CSMD2: variants seen among roughly 807,000 people sequenced by gnomAD.
The protein encoded by CSMD2 is CUB and sushi domain-containing protein 2.
In CSMD2, 130 loss-of-function variants were observed where a neutral mutation model predicts 398.5. The ratio of observed to expected loss-of-function variants is 0.33; its 90% CI spans 0.28 to 0.38. The LOEUF is 0.38. Among genes scored for constraint, CSMD2 ranks in the 10% least tolerant of loss-of-function variants. CSMD2 has a pLI of 1.00. For missense variants in CSMD2, 3,829 were observed against 4,764.9 expected (o/e 0.80, Z 5.78); for synonymous variants, 1,828 against 1,908.5 (o/e 0.96, Z 1.10).
At chr1:33,634,193 G>A (rs941392994) in intron 31 of CSMD2, among the ~76,000 whole-genome samples, 1 of 152,226 alleles carries the variant, frequency 6.6e-6, no homozygotes, top group African/African-American at 2.4e-5. Context: ...TCTGGGGCAG[G>A]AGTGGGTGTA....
intron 32 of CSMD2, among the ~76,000 whole-genome samples, chr1:33,632,891 G>A (rs1642550313): frequency 6.6e-6 from 1 of 152,132 alleles, no homozygotes. Context: ...AGACTACTAT[G>A]TAGCACTTAA....
intron 47 of CSMD2, 126 bp from the exon 48 acceptor site, chr1:33,581,025 T>C (rs1443933180): frequency 1.2e-6 from 1 of 834,206 alleles, no homozygotes; most frequent in Non-Finnish European, 1.8e-6. Context: ...GTACTTGCAC[T>C]CCTCTCTCTG....
chr1:33,593,225 T>C (rs1457637037), intron 44 of CSMD2, among the ~76,000 whole-genome samples: 1 of 152,256 alleles, frequency 6.6e-6, no homozygotes, highest in Non-Finnish European at 1.5e-5. Context: ...TGTTGTTGTT[T>C]ATGTTTGCCC....
At chr1:33,744,354 A>G (rs997702737) in intron 13 of CSMD2, among the ~76,000 whole-genome samples, 4 of 152,208 alleles carry the variant, frequency 2.6e-5, no homozygotes, top group African/African-American at 2.4e-5. Context: ...AAGATGCCAC[A>G]CTATGCTAAA....
intron 5 of CSMD2, among the ~76,000 whole-genome samples, chr1:33,866,881 T>C (rs1467658630): frequency 2.0e-5 from 3 of 152,266 alleles, no homozygotes; most frequent in African/African-American, 7.2e-5. Context: ...GGATAATGCC[T>C]GCCTTACAGG....
At chr1:33,783,202 T>C (rs1451243310) in intron 12 of CSMD2, among the ~76,000 whole-genome samples, 1 of 151,918 alleles carries the variant, frequency 6.6e-6, no homozygotes, top group South Asian at 2.1e-4. Context: ...AGGTCACAGG[T>C]GTGGGGGCAG....
chr1:34,143,870 C>T (rs1639529254), intron 1 of CSMD2, among the ~76,000 whole-genome samples: 1 of 152,174 alleles, frequency 6.6e-6, no homozygotes, highest in South Asian at 2.1e-4. Context: ...ACATCAGTTT[C>T]TATCAAGGAG....
At position 33,939,180 on chromosome 1, in the gene CSMD2, C is replaced by G. The variant is rs116376632; in HGVS notation, c.518-3226G>C. Among the ~76,000 whole-genome samples the G allele has an allele frequency of 1.1e-3, 171 of 152,004 alleles. 2 individuals carry two copies. The highest frequency in any genetic ancestry group is 3.9e-3 in the African/African-American group (161 of 41,438). On this transcript the variant is annotated intron_variant, in intron 3 of 70. Transcript: ENST00000373381. The stretch of plus-strand genomic sequence containing the variant: ...TCCCACACTACTGGCTTACTTGGTA[C>G]TTCCCATGATCCCCTGCAGCTTGCT...
Position 33,533,061 on chromosome 1 carries a change from G to A in CSMD2, c.10160C>T (p.Pro3387Leu). ...GCAGGCACACTCACCCAGGCAGATGGGCGGCTTGCCTGTCCAGCTGCCATC... is the reference window on the plus strand; with the variant it reads ...GCAGGCACACTCACCCAGGCAGATGAGCGGCTTGCCTGTCCAGCTGCCATC... ...KADGSWTGKP[P>L]ICLEVRPSGR... is the part of the protein sequence containing the mutation. The change falls in exon 64 of 71, where the codon CCC becomes CTC. Residue 3387 changes from proline (P) to leucine (L), a missense_variant. This residue lies in a region of CSMD2 where 917 missense variants were observed against 1,199.5 expected (regional missense o/e 0.76). Transcript: ENST00000373381. This position sits in a 1 kb window ranked among gnomAD's most constrained non-coding sequence, Gnocchi z 4.2. 6.2e-7 allele frequency: 1 copy of A among 1,611,102 alleles called. No individual in the cohort carries two copies. The highest frequency in any genetic ancestry group is 8.5e-7 in the Non-Finnish European group (1 of 1,178,830).
chr1:34,104,718 C>T (rs1660354407), intron 1 of CSMD2, among the ~76,000 whole-genome samples: 1 of 152,224 alleles, frequency 6.6e-6, no homozygotes, highest in African/African-American at 2.4e-5. Context: ...TGGCCCATCA[C>T]TATGCATGCC....
intron 53 of CSMD2, 132 bp downstream of exon 53, chr1:33,567,460 GA>G (rs11330003): frequency 0.24 from 95,360 of 396,668 alleles, 10,910 homozygotes; most frequent in South Asian, 0.29. Flanking sequence ...TTTCAGTTTT[GA>G]AAAAAAAAAT....
intron 3 of CSMD2, among the ~76,000 whole-genome samples, chr1:34,016,956 G>A (rs1051741249): frequency 6.6e-6 from 1 of 152,130 alleles, no homozygotes; most frequent in African/African-American, 2.4e-5. Flanking sequence ...TCAGAAATTA[G>A]AATGAGTATT....
chr1:33,937,856 A>G (rs1335239207), intron 3 of CSMD2, among the ~76,000 whole-genome samples: 1 of 152,252 alleles, frequency 6.6e-6, no homozygotes, highest in Non-Finnish European at 1.5e-5. Context: ...AGAACATAGT[A>G]GGTGCTCACA....
intron 1 of CSMD2, among the ~76,000 whole-genome samples, chr1:34,162,045 G>A (rs908947661): frequency 5.9e-5 from 9 of 151,946 alleles, no homozygotes; most frequent in East Asian, 1.9e-4. Context: ...GGTGGCATGC[G>A]CCTGTAATCA....
At chr1:34,031,768 A>C in intron 3 of CSMD2, among the ~76,000 whole-genome samples, 3 of 95,012 alleles carry the variant, frequency 3.2e-5, no homozygotes, top group East Asian at 1.0e-3. Flanking sequence ...GCAAAGGCAA[A>C]AAAAAAAAAA....
intron 10 of CSMD2, among the ~76,000 whole-genome samples, chr1:33,799,886 G>C (rs979010971): frequency 8.5e-5 from 13 of 152,202 alleles, no homozygotes; most frequent in Admixed American, 7.2e-4. Flanking sequence ...GGAATTTTCT[G>C]CACCTCCCAG....
At chr1:33,650,232 T>C (rs1437732304) in intron 28 of CSMD2, among the ~76,000 whole-genome samples, 2 of 152,208 alleles carry the variant, frequency 1.3e-5, no homozygotes, top group African/African-American at 4.8e-5. Flanking sequence ...ACACCACTTC[T>C]GCCTTCAAAA....
intron 3 of CSMD2, among the ~76,000 whole-genome samples, chr1:34,019,250 T>G (rs1389028328): frequency 2.6e-5 from 4 of 152,198 alleles, no homozygotes; most frequent in African/African-American, 9.6e-5. Flanking sequence ...TATGTCTCCC[T>G]GCCCTGACTC....
chr1:34,087,898 A>G (rs1259396230), intron 2 of CSMD2, among the ~76,000 whole-genome samples: 3 of 152,192 alleles, frequency 2.0e-5, no homozygotes, highest in Non-Finnish European at 4.4e-5. Flanking sequence ...AATGTTTCAC[A>G]GAACCCTGCT....
Sources: allele counts gnomAD v4.1 joint callset (sites outside exome capture counted in the v4.1 genomes callset), GRCh38; gene constraint gnomAD v4.1.1; regional missense constraint gnomAD v4.1.1; non-coding constraint Gnocchi (gnomAD v3.1); transcripts MANE v1.5; gene names NCBI Gene and HGNC (gene_info 2026-07-23, HGNC 2026-07-21).